FAM180A: variants seen among roughly 807,000 people sequenced by gnomAD.
FAM180A encodes family with sequence similarity 180 member A.
In FAM180A, 14 loss-of-function variants were observed where a neutral mutation model predicts 15.3. That is an observed-to-expected ratio of 0.92 (90% confidence interval 0.61 to 1.43). The LOEUF is 1.43. FAM180A is among the 40% of genes most tolerant of loss of function. The pLI is 0.00. For synonymous variants in FAM180A, 90 were observed against 96.8 expected (o/e 0.93, Z 0.41); for missense variants, 200 against 220.8 (o/e 0.91, Z 0.60).
intron 1 of FAM180A, among the ~76,000 whole-genome samples, chr7:135,738,116 AC>A (rs774387744): frequency 6.6e-6 from 1 of 152,236 alleles, no homozygotes; most frequent in Non-Finnish European, 1.5e-5. Context: ...AGAGAGATGC[AC>A]AAGACCCAGG....
intron 3 of FAM180A, among the ~76,000 whole-genome samples, chr7:135,732,446 A>G (rs1437457882): frequency 6.6e-6 from 1 of 152,186 alleles, no homozygotes; most frequent in African/African-American, 2.4e-5. Flanking sequence ...TAATCCCAAC[A>G]CTTTGGGAGC....
At chr7:135,746,116 G>A (rs985418468) in intron 1 of FAM180A, among the ~76,000 whole-genome samples, 4 of 152,014 alleles carry the variant, frequency 2.6e-5, no homozygotes, top group African/African-American at 9.7e-5. Context: ...AATCTAGCAC[G>A]TCACATCCGC....
Position 135,733,672 on chromosome 7 carries a change from A to G in FAM180A, c.*303T>C. ...TGTTCTCACTCTTGAGTGTGTGGCCACTGCTCTGGGTTGAAGCATATCAGA... is the reference window on the plus strand; with the variant it reads ...TGTTCTCACTCTTGAGTGTGTGGCCGCTGCTCTGGGTTGAAGCATATCAGA... On this transcript the variant is annotated 3_prime_UTR_variant, in exon 3 of 4. Coordinates refer to ENST00000338588, the MANE Select transcript of FAM180A (RefSeq NM_205855.4). 8.8e-7 allele frequency: 1 copy of G among 1,138,996 alleles called. No homozygotes were observed. 70.6% of individuals were successfully genotyped at this position (1,138,996 alleles called of 1,614,324 possible).
At chr7:135,743,859 G>A (rs978386185) in intron 1 of FAM180A, among the ~76,000 whole-genome samples, 2 of 151,988 alleles carry the variant, frequency 1.3e-5, no homozygotes, top group Non-Finnish European at 2.9e-5. Context: ...ACCTGCCCTG[G>A]TCACTAAGCT....
At chr7:135,731,646 G>A (rs1427737024) in intron 3 of FAM180A, among the ~76,000 whole-genome samples, 1 of 152,322 alleles carries the variant, frequency 6.6e-6, no homozygotes, top group East Asian at 1.9e-4. Flanking sequence ...TCTGCATTTG[G>A]AGGAGGTAAA....
chr7:135,729,806 C>T lies in FAM180A; in HGVS notation c.*805G>A, dbSNP rs997797651. 3.1e-6 allele frequency: 3 copies of T among 954,934 alleles called. No homozygotes were observed. Among genetic ancestry groups the T allele is most frequent in the Non-Finnish European group, 3.7e-6 (3 of 802,388 alleles). The allele number at this position is 954,934 out of a possible 1,614,324, so 59.2% of individuals were successfully genotyped here. A position where few individuals can be genotyped will look rare whatever the true frequency, so the allele number is the denominator to read the frequency against. On this transcript the variant is annotated 3_prime_UTR_variant, in exon 4 of 4. Transcript: ENST00000338588. The stretch of plus-strand genomic sequence containing the variant: ...GAGGTATCTTAAGTAGTCAGACTCT[C>T]AAAAACAGAAAGCAGAATAATGGTG...
At chr7:135,736,488 G>T (rs371744215) in intron 2 of FAM180A, among the ~76,000 whole-genome samples, 8 of 152,190 alleles carry the variant, frequency 5.3e-5, no homozygotes, top group African/African-American at 1.9e-4. Flanking sequence ...CACAGCGGAC[G>T]GGAGATAGAG....
At chr7:135,744,722 C>G (rs1797004915) in intron 1 of FAM180A, among the ~76,000 whole-genome samples, 1 of 152,110 alleles carries the variant, frequency 6.6e-6, no homozygotes, top group East Asian at 1.9e-4. Context: ...AGCAGATGGA[C>G]CTGGGGGATC....
At chr7:135,739,081 G>A (rs1796909747) in intron 1 of FAM180A, among the ~76,000 whole-genome samples, 1 of 152,010 alleles carries the variant, frequency 6.6e-6, no homozygotes, top group Admixed American at 6.6e-5. Flanking sequence ...AGGCTGAGGT[G>A]GGCAGATCAC....
chr7:135,734,039 A>C lies in FAM180A; in HGVS notation c.458T>G (p.Val153Gly). 1 of 1,614,214 alleles carries C rather than the reference A, an allele frequency of 6.2e-7. No homozygotes were observed. The highest frequency in any genetic ancestry group is 8.5e-7 in the Non-Finnish European group (1 of 1,180,030). ...HQKDIWAQSL[V>G]SLFQALRHDL... The stretch of plus-strand genomic sequence containing the variant: ...GTGCCTCAGGGCCTGGAAGAGGCTA[A>C]CGAGGGACTGCGCCCAGATGTCCTT... The change falls in exon 3 of 4, where the codon GTT (valine) becomes GGT (glycine). Residue 153 changes from valine to glycine, a missense_variant. Coordinates refer to ENST00000338588, the MANE Select transcript of FAM180A (RefSeq NM_205855.4).
intron 3 of FAM180A, among the ~76,000 whole-genome samples, chr7:135,730,689 G>A (rs1376902658): frequency 6.6e-6 from 1 of 152,190 alleles, no homozygotes; most frequent in East Asian, 1.9e-4. Context: ...CTTCGTGACT[G>A]TAGTTGTATA....
intron 1 of FAM180A, among the ~76,000 whole-genome samples, chr7:135,745,746 G>A (rs1446438033): frequency 6.6e-6 from 1 of 152,026 alleles, no homozygotes; most frequent in Admixed American, 6.6e-5. Context: ...GGAGCAGGAG[G>A]GTGGGAGGAT....
rs1796834376 is a variant in FAM180A, at chr7:135,734,053, C to G, written c.444G>C (p.Trp148Cys). Residue 148 changes from tryptophan (W) to cysteine (C), a missense_variant, in exon 3 of 4, where the codon TGG becomes TGC. Transcript: ENST00000338588. ...GGAAGAGGCTAACGAGGGACTGCGC[C>G]CAGATGTCCTTCTGATGGCCGTGGG... ...ALSHGHQKDI[W>C]AQSLVSLFQA... 6.2e-7 allele frequency: 1 copy of G among 1,614,096 alleles called. No individual in the cohort carries two copies. Among genetic ancestry groups the G allele is most frequent in the South Asian group, 1.1e-5 (1 of 91,080 alleles).
chr7:135,731,562 G>A (rs963591537), intron 3 of FAM180A, among the ~76,000 whole-genome samples: 6 of 152,012 alleles, frequency 3.9e-5, no homozygotes, highest in Non-Finnish European at 7.4e-5. Flanking sequence ...ACAGAGACAA[G>A]CAGAGTGACC....
chr7:135,741,578 C>G (rs1295352997), intron 1 of FAM180A, among the ~76,000 whole-genome samples: 1 of 151,332 alleles, frequency 6.6e-6, no homozygotes, highest in Non-Finnish European at 1.5e-5. Context: ...AATCTCAGGA[C>G]TTTGGGAAGC....
chr7:135,737,005 G>C, intron 2 of FAM180A, 94 bp downstream of exon 2: 1 of 967,000 alleles, frequency 1.0e-6, no homozygotes, highest in Non-Finnish European at 1.6e-6. Context: ...CTCATGGTCA[G>C]GGGCTGAGGG....
intron 2 of FAM180A, among the ~76,000 whole-genome samples, chr7:135,735,068 G>C (rs779696963): frequency 3.3e-5 from 5 of 151,944 alleles, no homozygotes; most frequent in Non-Finnish European, 7.4e-5. Flanking sequence ...TGCCTGGCTA[G>C]TCTTTTGTAT....
chr7:135,740,954 A>C (rs80144404), intron 1 of FAM180A, among the ~76,000 whole-genome samples: 3,162 of 45,536 alleles, frequency 0.069, 118 homozygotes, highest in East Asian at 0.46. Context: ...TCCCTTAAAA[A>C]AAAACAAAAC....
At position 135,729,631 on chromosome 7, in the gene FAM180A, A is replaced by G. The variant is rs533197012; in HGVS notation, c.*980T>C. Reference sequence around the variant, plus strand: ...TCAATCATGACATCTTTATTATACCATAGATGAATATTTGTTAAATAAAAA... The same window carrying G: ...TCAATCATGACATCTTTATTATACCGTAGATGAATATTTGTTAAATAAAAA... On this transcript the variant is annotated 3_prime_UTR_variant, in exon 4 of 4. Coordinates refer to ENST00000338588, the MANE Select transcript of FAM180A (RefSeq NM_205855.4). The G allele has an allele frequency of 2.5e-5, 25 of 983,740 alleles. No homozygotes were observed. The East Asian group carries it at 4.5e-4, about 18-fold the overall frequency. 60.9% of individuals were successfully genotyped at this position (983,740 alleles called of 1,614,324 possible). A position where few individuals can be genotyped will look rare whatever the true frequency, so the allele number is the denominator to read the frequency against.
Sources: allele counts gnomAD v4.1 joint callset (sites outside exome capture counted in the v4.1 genomes callset), GRCh38; gene constraint gnomAD v4.1.1; transcripts MANE v1.5; gene names NCBI Gene and HGNC (gene_info 2026-07-23, HGNC 2026-07-21).